GABRA2: variants seen among roughly 807,000 people sequenced by gnomAD.
The protein encoded by GABRA2 is gamma-aminobutyric acid receptor subunit alpha-2.
In GABRA2, 16 loss-of-function variants were observed where a neutral mutation model predicts 48.7. The ratio of observed to expected loss-of-function variants is 0.33; its 90% confidence interval spans 0.22 to 0.50. GABRA2 has a LOEUF of 0.50. GABRA2 is among the 20% of genes least tolerant of loss of function. The probability of loss-of-function intolerance (pLI) is 0.98; values close to 1 mark genes in which losing one functional copy is unlikely to be tolerated. For synonymous variants in GABRA2, 185 were observed against 184.5 expected (o/e 1.00, Z -0.02); for missense variants, 275 against 535.6 (o/e 0.51, Z 4.80).
Position 46,250,590 on chromosome 4 carries a change from A to C in GABRA2, c.1074T>G (p.Ala358=). ...AAGCGTTGTTCTGTATCATAACGGA[A>C]GCCTTTTCTTTTTTCTATTGAAAAA... ...SVVNDKKKEK[A]SVMIQNNAYA... is the part of the protein sequence containing the mutation. The change falls in exon 10 of 10, where the codon GCT becomes GCG. Residue 358 remains alanine (A), a synonymous_variant. Transcript: ENST00000381620. The C allele has an allele frequency of 6.3e-7, 1 of 1,586,840 alleles. No homozygotes were observed. The highest frequency in any genetic ancestry group is 8.6e-7 in the Non-Finnish European group (1 of 1,169,102).
chr4:46,285,588 T>G (rs1433714679), intron 8 of GABRA2, among the ~76,000 whole-genome samples: 1 of 152,064 alleles, frequency 6.6e-6, no homozygotes, highest in East Asian at 1.9e-4. Flanking sequence ...CTTATAACCT[T>G]TATTAAACAA....
At chr4:46,363,204 T>A (rs904832281) in intron 3 of GABRA2, among the ~76,000 whole-genome samples, 1 of 152,140 alleles carries the variant, frequency 6.6e-6, no homozygotes, top group African/African-American at 2.4e-5. Context: ...ATGTAGGGAA[T>A]AAGTGAATGA....
chr4:46,305,790 T>G, intron 6 of GABRA2, 79 bp from the exon 7 acceptor site: 1 of 1,003,184 alleles, frequency 1.0e-6, no homozygotes, highest in Non-Finnish European at 1.5e-6. Context: ...GTTGTGTATT[T>G]CATACAATCA....
intron 3 of GABRA2, among the ~76,000 whole-genome samples, chr4:46,382,610 G>A (rs1355438316): frequency 6.6e-6 from 1 of 152,034 alleles, no homozygotes; most frequent in Non-Finnish European, 1.5e-5. Flanking sequence ...TTTTTAAAGG[G>A]ATCTATTATT....
intron 3 of GABRA2, among the ~76,000 whole-genome samples, chr4:46,349,250 T>C (rs564367539): frequency 1.3e-5 from 2 of 152,124 alleles, no homozygotes; most frequent in Non-Finnish European, 2.9e-5. Context: ...GAACTGAACC[T>C]GGAATATCTC....
At chr4:46,263,925 TC>T (rs1717566001) in intron 8 of GABRA2, among the ~76,000 whole-genome samples, 1 of 151,566 alleles carries the variant, frequency 6.6e-6, no homozygotes, top group African/African-American at 2.4e-5. Context: ...TCTCTCTCTC[TC>T]TCTCTCTCTC....
At chr4:46,289,537 G>A (rs1259852868) in intron 8 of GABRA2, among the ~76,000 whole-genome samples, 1 of 152,114 alleles carries the variant, frequency 6.6e-6, no homozygotes, top group South Asian at 2.1e-4. Context: ...AACACACACT[G>A]GGGCCTTTCC....
intron 8 of GABRA2, among the ~76,000 whole-genome samples, chr4:46,299,653 T>C (rs1180532648): frequency 1.3e-5 from 2 of 149,100 alleles, no homozygotes; most frequent in Non-Finnish European, 3.0e-5. Flanking sequence ...GCTTATTACA[T>C]GTTGGAGAAT....
intron 8 of GABRA2, among the ~76,000 whole-genome samples, chr4:46,289,707 T>C (rs886886285): frequency 2.0e-5 from 3 of 152,050 alleles, no homozygotes; most frequent in African/African-American, 7.2e-5. Context: ...AAATAAAAGT[T>C]ACATTAAAAA....
intron 3 of GABRA2, among the ~76,000 whole-genome samples, chr4:46,335,346 C>T (rs934333208): frequency 6.6e-6 from 1 of 152,146 alleles, no homozygotes; most frequent in South Asian, 2.1e-4. Context: ...GTGCCTGTTA[C>T]AATATTCTGA....
In GABRA2 at chr4:46,346,270, G is replaced by C. The variant is rs575181001; in HGVS notation, c.188-13588C>G. On this transcript the variant is annotated intron_variant, in intron 3 of 9. Coordinates refer to ENST00000381620, the MANE Select transcript of GABRA2 (RefSeq NM_000807.4). ...TGTCTCCATTCTACCACTAAGGAAC[G>C]CTTGCCTCTTACCTAGTATCCTACT... 2.0e-5 allele frequency among the ~76,000 whole-genome samples: 3 copies of C among 151,880 alleles called. No homozygotes were observed. The South Asian group carries it at 6.2e-4, about 31-fold the overall frequency.
intron 3 of GABRA2, chr4:46,368,394 A>G (rs1484421744): frequency 6.6e-6 from 1 of 152,172 alleles, no homozygotes; most frequent in Admixed American, 6.6e-5. Context: ...CCTTTAACTT[A>G]AAAGAGTTCA....
At chr4:46,273,273 G>A (rs1243074998) in intron 8 of GABRA2, among the ~76,000 whole-genome samples, 1 of 151,314 alleles carries the variant, frequency 6.6e-6, no homozygotes, top group Non-Finnish European at 1.5e-5. Context: ...CCTTCTTAGT[G>A]TTCTCTGAGA....
chr4:46,386,989 G>A (rs892043776), intron 2 of GABRA2: 2 of 152,164 alleles, frequency 1.3e-5, no homozygotes, highest in Non-Finnish European at 2.9e-5. Context: ...TAGAAATTGT[G>A]ATTTTCTCCA....
intron 8 of GABRA2, among the ~76,000 whole-genome samples, chr4:46,301,954 A>G (rs1365803883): frequency 6.6e-6 from 1 of 152,220 alleles, no homozygotes; most frequent in Non-Finnish European, 1.5e-5. Flanking sequence ...CCCAATTCAT[A>G]TATCTATATA....
At chr4:46,255,230 C>A (rs1169004175) in intron 9 of GABRA2, among the ~76,000 whole-genome samples, 2 of 151,474 alleles carry the variant, frequency 1.3e-5, no homozygotes, top group East Asian at 3.9e-4. Context: ...AAATGAGTGG[C>A]ATGTAACTAA....
At chr4:46,310,096 A>G (rs1578000426) in intron 6 of GABRA2, 77 bp downstream of exon 6, 2 of 967,552 alleles carry the variant, frequency 2.1e-6, no homozygotes, top group Non-Finnish European at 3.2e-6. Context: ...TGAGAAAAAA[A>G]CTAGACAATT....
chr4:46,318,643 A>G (rs1448434096), intron 4 of GABRA2, among the ~76,000 whole-genome samples: 1 of 151,708 alleles, frequency 6.6e-6, no homozygotes, highest in Non-Finnish European at 1.5e-5. Context: ...AAAAAAATAA[A>G]AAACGGTCTA....
intron 7 of GABRA2, among the ~76,000 whole-genome samples, chr4:46,305,140 A>T (rs569349446): frequency 6.6e-6 from 1 of 151,366 alleles, no homozygotes; most frequent in South Asian, 2.1e-4. Flanking sequence ...GGAAACCATC[A>T]TTCTCAGCAA....
Sources: allele counts gnomAD v4.1 joint callset (sites outside exome capture counted in the v4.1 genomes callset), GRCh38; gene constraint gnomAD v4.1.1; transcripts MANE v1.5; gene names NCBI Gene and HGNC (gene_info 2026-07-23, HGNC 2026-07-21).